Variants in SLC9A9 observed in about 807,000 individuals in gnomAD.
The protein encoded by SLC9A9 is solute carrier family 9 member A9.
SLC9A9 carries 62 observed loss-of-function variants against 77.8 expected under a neutral mutation model. The ratio of observed to expected loss-of-function variants is 0.80; its 90% CI spans 0.65 to 0.98. SLC9A9 has a LOEUF of 0.98. SLC9A9 is among the 50% of genes least tolerant of loss of function. The probability of loss-of-function intolerance (pLI) is 0.00; values close to 1 mark genes in which losing one functional copy is unlikely to be tolerated. For synonymous variants in SLC9A9, 320 were observed against 283.5 expected, an observed-to-expected ratio of 1.13 and a Z score of -1.29; for missense variants, 775 against 774.9, an observed-to-expected ratio of 1.00 and a Z score of 0.00.
chr3:143,724,890 C>A (rs1243278404), intron 4 of SLC9A9, among the ~76,000 whole-genome samples: 3 of 152,056 alleles, frequency 2.0e-5, no homozygotes, highest in South Asian at 4.2e-4. Context: ...GCCAGGAGAG[C>A]CTTTCAGTGT....
intron 14 of SLC9A9, among the ~76,000 whole-genome samples, chr3:143,348,284 T>C (rs899896699): frequency 3.3e-5 from 5 of 152,226 alleles, no homozygotes; most frequent in Admixed American, 6.5e-5. Context: ...CGTGAGCCAC[T>C]GCGCCCGGCC....
intron 12 of SLC9A9, among the ~76,000 whole-genome samples, chr3:143,424,013 G>A (rs2034358379): frequency 6.6e-6 from 1 of 152,148 alleles, no homozygotes; most frequent in Admixed American, 6.5e-5. Flanking sequence ...GAAAGTTAAT[G>A]AAAGATTTAG....
intron 14 of SLC9A9, among the ~76,000 whole-genome samples, chr3:143,328,031 T>G (rs1018292330): frequency 2.0e-5 from 3 of 152,252 alleles, no homozygotes; most frequent in Admixed American, 2.0e-4. Context: ...CTATCTATTT[T>G]CTCTGCTTAC....
In SLC9A9 at chr3:143,844,974, C is replaced by G. The variant is rs537306414; in HGVS notation, c.175+3174G>C. Among the ~76,000 whole-genome samples, 10 of 152,060 alleles carry G rather than the reference C, an allele frequency of 6.6e-5. No individual in the cohort carries two copies. The East Asian group carries it at 1.9e-3, about 29-fold the overall frequency. On this transcript the variant is annotated intron_variant, in intron 1 of 15. Transcript: ENST00000316549. ...TCCTTTAATGGAAAGGGGGATAGTA[C>G]AATGTGGGATGCTGAAAATTCACTC... is the stretch of plus-strand genomic sequence containing the variant.
intron 12 of SLC9A9, among the ~76,000 whole-genome samples, chr3:143,412,462 C>T (rs983915842): frequency 7.7e-4 from 118 of 152,270 alleles, no homozygotes; most frequent in African/African-American, 2.7e-3. Context: ...TGCCCTCCCC[C>T]GGCTGGAGTT....
chr3:143,833,827 C>T (rs565031775), intron 1 of SLC9A9, among the ~76,000 whole-genome samples: 1 of 152,220 alleles, frequency 6.6e-6, no homozygotes, highest in South Asian at 2.1e-4. Flanking sequence ...TACAGAAAGA[C>T]ATAAGAAATC....
chr3:143,832,651 C>T (rs77026175), intron 1 of SLC9A9, among the ~76,000 whole-genome samples: 1,844 of 152,006 alleles, frequency 0.012, 41 homozygotes, highest in African/African-American at 0.043. Context: ...TGTCACACCC[C>T]ATGGTTGGGG....
chr3:143,477,550 G>T (rs896090592), intron 11 of SLC9A9, among the ~76,000 whole-genome samples: 1 of 151,906 alleles, frequency 6.6e-6, no homozygotes, highest in African/African-American at 2.4e-5. Context: ...AAGCAGCCTT[G>T]TTATATTTGA....
intron 14 of SLC9A9, among the ~76,000 whole-genome samples, chr3:143,362,720 C>T (rs1210622800): frequency 6.6e-6 from 1 of 152,202 alleles, no homozygotes; most frequent in Non-Finnish European, 1.5e-5. Flanking sequence ...AGACCCAACA[C>T]ATTCAATTTA....
At chr3:143,497,202 C>T (rs886365256) in intron 9 of SLC9A9, among the ~76,000 whole-genome samples, 21 of 152,056 alleles carry the variant, frequency 1.4e-4, no homozygotes, top group African/African-American at 5.1e-4. Context: ...ATTTGTAGTG[C>T]CTCTCTTTCT....
intron 5 of SLC9A9, among the ~76,000 whole-genome samples, chr3:143,672,509 T>A (rs1426787002): frequency 6.6e-6 from 1 of 152,176 alleles, no homozygotes; most frequent in Non-Finnish European, 1.5e-5. Flanking sequence ...CTTTCTCCGG[T>A]GTTAGAAAAA....
chr3:143,425,160 T>C (rs889449315), intron 12 of SLC9A9, among the ~76,000 whole-genome samples: 8 of 152,076 alleles, frequency 5.3e-5, no homozygotes, highest in African/African-American at 1.7e-4. Flanking sequence ...AGGTAGAGGG[T>C]TATATATATC....
At chr3:143,269,040 T>C in intron 14 of SLC9A9, 60 bp from the exon 15 acceptor site, 1 of 1,236,332 alleles carries the variant, frequency 8.1e-7, no homozygotes, top group Non-Finnish European at 1.2e-6. Context: ...AATCTTACGC[T>C]GCACAAACCT....
intron 4 of SLC9A9, among the ~76,000 whole-genome samples, chr3:143,753,639 A>G (rs1194021220): frequency 2.0e-5 from 3 of 152,128 alleles, no homozygotes; most frequent in Admixed American, 2.0e-4. Context: ...GCTGTGCTGT[A>G]GCAGGCCAGG....
chr3:143,364,341 A>T (rs1290032882), intron 13 of SLC9A9, among the ~76,000 whole-genome samples: 1 of 152,110 alleles, frequency 6.6e-6, no homozygotes, highest in Non-Finnish European at 1.5e-5. Context: ...GTGTTAAGGG[A>T]ATTTCAATCA....
At position 143,693,102 on chromosome 3, in the gene SLC9A9, T is replaced by C. The variant is rs1012621240; in HGVS notation, c.649+90A>G. On this transcript the variant is annotated intron_variant, in intron 5 of 15. Transcript: ENST00000316549. ...GGTGAAGAAAAATAGAAATTATTAT[T>C]ATGTAGACGCAGGTGATGGTCTTGG... is the stretch of plus-strand genomic sequence containing the variant. 70 of 920,340 alleles carry C rather than the reference T, an allele frequency of 7.6e-5. 1 individual carries two copies. Among genetic ancestry groups the C allele is most frequent in the Admixed American group, 5.3e-4 (24 of 45,296 alleles). The allele number at this position is 920,340 out of a possible 1,614,324, so 57.0% of individuals were successfully genotyped here. A position where few individuals can be genotyped will look rare whatever the true frequency, so the allele number is the denominator to read the frequency against.
At chr3:143,415,838 T>A (rs1419908160) in intron 12 of SLC9A9, among the ~76,000 whole-genome samples, 1 of 152,210 alleles carries the variant, frequency 6.6e-6, no homozygotes, top group East Asian at 1.9e-4. Context: ...AATTGAAGAT[T>A]CCTCTATCTC....
At chr3:143,847,277 T>C (rs1284373118) in intron 1 of SLC9A9, among the ~76,000 whole-genome samples, 1 of 152,208 alleles carries the variant, frequency 6.6e-6, no homozygotes, top group Admixed American at 6.5e-5. Flanking sequence ...TTCCTATCCA[T>C]TATCAGGCTG....
chr3:143,657,451 G>A (rs753853841), intron 5 of SLC9A9, among the ~76,000 whole-genome samples: 14 of 152,190 alleles, frequency 9.2e-5, no homozygotes, highest in Non-Finnish European at 1.9e-4. Flanking sequence ...ATGCCCCAGA[G>A]CAATGTCTTC....
Sources: gnomAD v4.1 joint callset for allele counts (sites outside exome capture counted in the v4.1 genomes callset) on GRCh38, gnomAD v4.1.1 for gene constraint, MANE v1.5 for transcripts, NCBI Gene and HGNC (gene_info 2026-07-23, HGNC 2026-07-21) for gene names.